SAE1: variants seen among roughly 807,000 people sequenced by gnomAD.
SAE1 encodes SUMO-activating enzyme subunit 1.
In SAE1, 11 loss-of-function variants were observed where a neutral mutation model predicts 40.6. The observed-to-expected ratio is 0.27, with a 90% CI of 0.17 to 0.45. The LOEUF is 0.45. Among genes scored for constraint, SAE1 ranks in the 20% least tolerant of loss-of-function variants. The pLI is 1.00. For missense variants in SAE1, 373 were observed against 427.3 expected (o/e 0.87, Z 1.12); for synonymous variants, 155 against 154.3 (o/e 1.00, Z -0.03).
intron 5 of SAE1, among the ~76,000 whole-genome samples, chr19:47,166,685 G>A (rs1423875294): frequency 3.3e-5 from 5 of 152,154 alleles, no homozygotes; most frequent in Non-Finnish European, 5.9e-5. Context: ...TGGTAATACT[G>A]TGTTTCCTCA....
intron 5 of SAE1, among the ~76,000 whole-genome samples, chr19:47,158,550 T>C (rs2058337624): frequency 6.6e-6 from 1 of 152,136 alleles, no homozygotes. Context: ...TGTTGGCATG[T>C]GAGGGACAAG....
intron 6 of SAE1, among the ~76,000 whole-genome samples, chr19:47,195,384 A>G (rs960812826): frequency 1.3e-5 from 2 of 152,066 alleles, no homozygotes; most frequent in Admixed American, 6.6e-5. Context: ...ATTTGTCTTT[A>G]TTTGGGATAA....
At chr19:47,185,962 G>A (rs899344616) in intron 6 of SAE1, among the ~76,000 whole-genome samples, 8 of 151,232 alleles carry the variant, frequency 5.3e-5, no homozygotes, top group African/African-American at 7.3e-5. Context: ...TATTGGCCCC[G>A]GGCGTGGTGG....
At chr19:47,197,143 T>C in intron 6 of SAE1, 90 bp from the exon 7 acceptor site, 1 of 1,343,080 alleles carries the variant, frequency 7.4e-7, no homozygotes, top group Non-Finnish European at 1.0e-6. Context: ...ATTGTGCCAT[T>C]GCACTCCAGC....
intron 6 of SAE1, among the ~76,000 whole-genome samples, chr19:47,191,607 A>AGT (rs2058578221): frequency 6.6e-6 from 1 of 152,226 alleles, no homozygotes; most frequent in South Asian, 2.1e-4. Context: ...GGTGATGGAC[A>AGT]GTGGCAGGAA....
chr19:47,173,678 C>CT (rs2058449130), intron 6 of SAE1, among the ~76,000 whole-genome samples: 1 of 152,098 alleles, frequency 6.6e-6, no homozygotes, highest in South Asian at 2.1e-4. Context: ...CCACCCAGCT[C>CT]TAACATCAAA....
At chr19:47,204,953 A>G (rs1293452147) in intron 8 of SAE1, among the ~76,000 whole-genome samples, 1 of 152,180 alleles carries the variant, frequency 6.6e-6, no homozygotes, top group Non-Finnish European at 1.5e-5. Flanking sequence ...GAAGCATCTT[A>G]TACAGGGTCA....
At chr19:47,146,802 A>T (rs941297109) in intron 2 of SAE1, among the ~76,000 whole-genome samples, 5 of 152,032 alleles carry the variant, frequency 3.3e-5, no homozygotes, top group Non-Finnish European at 5.9e-5. Context: ...GGATATGAAG[A>T]TGAGGCTTCT....
intron 6 of SAE1, among the ~76,000 whole-genome samples, chr19:47,193,175 AG>A (rs1472467411): frequency 6.6e-6 from 1 of 150,412 alleles, no homozygotes; most frequent in Non-Finnish European, 1.5e-5. Flanking sequence ...CTCCTGCCTC[AG>A]CCTCCCGAGT....
chr19:47,160,809 G>A (rs1186140713), intron 5 of SAE1, among the ~76,000 whole-genome samples: 2 of 152,038 alleles, frequency 1.3e-5, no homozygotes, highest in Non-Finnish European at 2.9e-5. Context: ...GATTACAGGC[G>A]TGAGCCACCA....
chr19:47,179,926 G>T (rs140623969), intron 6 of SAE1, among the ~76,000 whole-genome samples: 1 of 152,136 alleles, frequency 6.6e-6, no homozygotes, highest in Non-Finnish European at 1.5e-5. Flanking sequence ...CTAAGATTGA[G>T]CAGATAGGTA....
chr19:47,184,467 A>T (rs756159299), intron 6 of SAE1, among the ~76,000 whole-genome samples: 1 of 150,180 alleles, frequency 6.7e-6, no homozygotes, highest in South Asian at 2.1e-4. Flanking sequence ...CTGGAGTGCA[A>T]TGGTGTGATT....
chr19:47,148,960 T>C (rs2058270449), intron 2 of SAE1, among the ~76,000 whole-genome samples: 1 of 151,914 alleles, frequency 6.6e-6, no homozygotes, highest in African/African-American at 2.4e-5. Context: ...CATTCTTAAT[T>C]GTGTCTGATT....
intron 7 of SAE1, among the ~76,000 whole-genome samples, chr19:47,200,032 G>C (rs1421396486): frequency 6.6e-6 from 1 of 151,586 alleles, no homozygotes; most frequent in Non-Finnish European, 1.5e-5. Flanking sequence ...CCGGGTTCAC[G>C]CCATTCTCCT....
intron 6 of SAE1, among the ~76,000 whole-genome samples, chr19:47,181,476 C>CTTTT (rs202245801): frequency 2.0e-5 from 2 of 99,724 alleles, no homozygotes; most frequent in African/African-American, 4.7e-5. Flanking sequence ...TTTTCTTTTC[C>CTTTT]TTTTTTTTTT....
At chr19:47,196,653 C>T (rs912200582) in intron 6 of SAE1, among the ~76,000 whole-genome samples, 1 of 151,802 alleles carries the variant, frequency 6.6e-6, no homozygotes, top group Admixed American at 6.6e-5. Flanking sequence ...TGAGCCACCG[C>T]ACCCGGCTCT....
In SAE1 at chr19:47,203,266, C is replaced by A. The variant is rs373106312; in HGVS notation, c.879-405C>A. Among the ~76,000 whole-genome samples the A allele has an allele frequency of 1.1e-4, 17 of 152,246 alleles. No homozygotes were observed. The South Asian group carries it at 3.1e-3, about 28-fold the overall frequency. On this transcript the variant is annotated intron_variant, in intron 7 of 8. Coordinates refer to ENST00000270225, the MANE Select transcript of SAE1 (RefSeq NM_005500.3). ...TTGCTTCCTACATGTTAACACAGGCCTGCTCCCTGACATTTGTCTGGGAAT... is the reference window on the plus strand; with the variant it reads ...TTGCTTCCTACATGTTAACACAGGCATGCTCCCTGACATTTGTCTGGGAAT...
intron 5 of SAE1, 89 bp downstream of exon 5, chr19:47,155,302 T>G: frequency 1.1e-6 from 1 of 876,610 alleles, no homozygotes; most frequent in Admixed American, 2.1e-5. Flanking sequence ...AGCAAGCACT[T>G]CTTGAAGGGG....
chr19:47,161,383 CA>C (rs2058359143), intron 5 of SAE1, among the ~76,000 whole-genome samples: 1 of 152,102 alleles, frequency 6.6e-6, no homozygotes, highest in East Asian at 1.9e-4. Context: ...TGGAACAAAA[CA>C]AACACTATCC....
Sources: allele counts gnomAD v4.1 joint callset (sites outside exome capture counted in the v4.1 genomes callset), GRCh38; gene constraint gnomAD v4.1.1; transcripts MANE v1.5; gene names NCBI Gene and HGNC (gene_info 2026-07-23, HGNC 2026-07-21).